The following TYW1 variants were observed in gnomAD, a reference collection of about 807,000 sequenced individuals.
TYW1 encodes S-adenosyl-L-methionine-dependent tRNA 4-demethylwyosine synthase TYW1.
Under a neutral mutation model 96.2 loss-of-function variants are expected in TYW1, and 46 were observed. The observed-to-expected ratio is 0.48, with a 90% confidence interval of 0.38 to 0.61. TYW1 has a LOEUF of 0.61. Among genes scored for constraint, TYW1 ranks in the 20% least tolerant of loss-of-function variants. TYW1 has a pLI of 0.00. For missense variants in TYW1, 684 were observed against 909.6 expected (o/e 0.75, Z 3.19); for synonymous variants, 274 against 323.0 (o/e 0.85, Z 1.63).
chr7:67,156,725 T>C lies in TYW1; in HGVS notation c.1699-26401T>C, dbSNP rs11761640. On this transcript the variant is annotated intron_variant, in intron 13 of 15. Transcript: ENST00000359626. ...GATGTGGAGATGCAGGGGCTATTGG[T>C]CTCCAGGGCAGGATGCAGTCTGGTG... is the stretch of plus-strand genomic sequence containing the variant. 1.9e-3 allele frequency among the ~76,000 whole-genome samples: 287 copies of C among 151,636 alleles called. 1 individual carries two copies. Among genetic ancestry groups the C allele is most frequent in the African/African-American group, 6.7e-3 (275 of 41,250 alleles).
At chr7:67,108,135 C>A (rs938676653) in intron 12 of TYW1, among the ~76,000 whole-genome samples, 4 of 152,044 alleles carry the variant, frequency 2.6e-5, no homozygotes, top group African/African-American at 4.8e-5. Flanking sequence ...CCTTGGCCTC[C>A]CAGAGTGCTG....
chr7:67,079,515 T>C (rs1362100691), intron 10 of TYW1, among the ~76,000 whole-genome samples: 1 of 151,858 alleles, frequency 6.6e-6, no homozygotes, highest in East Asian at 1.9e-4. Flanking sequence ...GTTAGTCTAA[T>C]GGTTTGTCGA....
chr7:67,100,995 C>G (rs1797069958), intron 12 of TYW1, among the ~76,000 whole-genome samples: 1 of 151,960 alleles, frequency 6.6e-6, no homozygotes, highest in Non-Finnish European at 1.5e-5. Context: ...TAAGAGTTTT[C>G]AAGGATTCAG....
At chr7:67,053,125 G>T (rs13307480) in intron 8 of TYW1, among the ~76,000 whole-genome samples, 15 of 141,102 alleles carry the variant, frequency 1.1e-4, no homozygotes, top group Non-Finnish European at 1.1e-4. Flanking sequence ...TAAGTTACTT[G>T]GAAATAATAT....
intron 9 of TYW1, among the ~76,000 whole-genome samples, chr7:67,059,698 C>T (rs1204472315): frequency 1.3e-5 from 2 of 150,994 alleles, no homozygotes; most frequent in East Asian, 3.9e-4. Context: ...CTGATTTTGA[C>T]AACTTTTACA....
In TYW1 at chr7:67,031,965, T is replaced by C. The variant is rs1794685651; in HGVS notation, c.984+6943T>C. 2.6e-5 allele frequency among the ~76,000 whole-genome samples: 4 copies of C among 152,318 alleles called. No homozygotes were observed. In the South Asian group the frequency reaches 8.3e-4, roughly 32 times the overall value. ...AGTTTCTCGTCAAAAAATGTTTAGC[T>C]TGAATCTCATCATGGGGAAACAATG... On this transcript the variant is annotated intron_variant, in intron 7 of 15. Transcript: ENST00000359626.
intron 13 of TYW1, among the ~76,000 whole-genome samples, chr7:67,151,424 G>C (rs1234636010): frequency 6.6e-6 from 1 of 152,040 alleles, no homozygotes; most frequent in Non-Finnish European, 1.5e-5. Context: ...ACTTGTGACT[G>C]TAATCCAGAA....
At chr7:67,174,183 CT>C (rs1799594440) in intron 13 of TYW1, among the ~76,000 whole-genome samples, 1 of 151,860 alleles carries the variant, frequency 6.6e-6, no homozygotes, top group African/African-American at 2.4e-5. Flanking sequence ...CATTATGCTG[CT>C]TATCAGATTA....
At chr7:67,136,390 T>C (rs937369212) in intron 13 of TYW1, among the ~76,000 whole-genome samples, 11 of 152,342 alleles carry the variant, frequency 7.2e-5, no homozygotes, top group African/African-American at 2.4e-4. Context: ...ATTACAGTTA[T>C]GTAATTCTGT....
chr7:67,017,771 G>C, intron 5 of TYW1, 82 bp from the exon 6 acceptor site: 1 of 1,523,250 alleles, frequency 6.6e-7, no homozygotes, highest in South Asian at 1.3e-5. Context: ...GGCCTCGGAA[G>C]GACTTTGGGC....
At chr7:67,198,764 A>G (rs1162488968) in intron 15 of TYW1, among the ~76,000 whole-genome samples, 1 of 152,158 alleles carries the variant, frequency 6.6e-6, no homozygotes, top group East Asian at 1.9e-4. Flanking sequence ...CCCAACCCCT[A>G]ATCTAGGCAG....
chr7:67,067,186 G>A, intron 9 of TYW1, 99 bp from the exon 10 acceptor site: 1 of 1,340,214 alleles, frequency 7.5e-7, no homozygotes, highest in Non-Finnish European at 1.1e-6. Context: ...AGTATTCATG[G>A]TTACGAAACA....
At chr7:67,149,926 A>C in intron 13 of TYW1, among the ~76,000 whole-genome samples, 1 of 151,876 alleles carries the variant, frequency 6.6e-6, no homozygotes, top group Non-Finnish European at 1.5e-5. Context: ...TGTTGACTCC[A>C]TTGACTTTCA....
intron 6 of TYW1, among the ~76,000 whole-genome samples, chr7:67,021,050 T>G (rs532675381): frequency 6.6e-6 from 1 of 152,400 alleles, no homozygotes; most frequent in African/African-American, 2.4e-5. Context: ...AAAACAAATT[T>G]GTCAAATGAG....
intron 11 of TYW1, among the ~76,000 whole-genome samples, chr7:67,084,638 C>G (rs1167994853): frequency 6.6e-6 from 1 of 152,048 alleles, no homozygotes; most frequent in Non-Finnish European, 1.5e-5. Flanking sequence ...CCACCTCAGC[C>G]TTGCCTCCTG....
intron 7 of TYW1, among the ~76,000 whole-genome samples, chr7:67,025,376 A>AT (rs1794416409): frequency 6.6e-6 from 1 of 151,872 alleles, no homozygotes; most frequent in Non-Finnish European, 1.5e-5. Context: ...TAAAAAAAAA[A>AT]AATCGCAAAA....
intron 7 of TYW1, among the ~76,000 whole-genome samples, chr7:67,033,017 C>T (rs1368507495): frequency 6.7e-6 from 1 of 149,072 alleles, no homozygotes; most frequent in Non-Finnish European, 1.5e-5. Flanking sequence ...CTGTGTAAGC[C>T]TCCTGAGTAG....
At chr7:67,171,622 AT>A (rs1340084712) in intron 13 of TYW1, among the ~76,000 whole-genome samples, 1 of 152,088 alleles carries the variant, frequency 6.6e-6, no homozygotes, top group Non-Finnish European at 1.5e-5. Context: ...CATTTTAGTT[AT>A]GTCAATTGTT....
intron 7 of TYW1, among the ~76,000 whole-genome samples, chr7:67,030,566 A>G (rs943688414): frequency 1.2e-4 from 18 of 152,172 alleles, no homozygotes; most frequent in Non-Finnish European, 2.2e-4. Context: ...CAGGAGGTGG[A>G]GGTTGCAGTG....
Sources: allele counts gnomAD v4.1 joint callset (sites outside exome capture counted in the v4.1 genomes callset), GRCh38; gene constraint gnomAD v4.1.1; transcripts MANE v1.5; gene names NCBI Gene and HGNC (gene_info 2026-07-23, HGNC 2026-07-21).